Variants in PDE8B observed in about 807,000 individuals in gnomAD.
PDE8B encodes the protein phosphodiesterase 8B, also known as high affinity cAMP-specific and IBMX-insensitive 3',5'-cyclic phosphodiesterase 8B.
PDE8B carries 26 observed loss-of-function variants against 101.3 expected under a neutral mutation model. The ratio of observed to expected loss-of-function variants is 0.26; its 90% CI spans 0.19 to 0.36. PDE8B has a LOEUF of 0.36. Ranked by LOEUF, PDE8B falls within the 10% of genes least tolerant of loss-of-function variation. The pLI is 1.00. For synonymous variants in PDE8B, 424 were observed against 429.3 expected, an observed-to-expected ratio of 0.99 and a Z score of 0.15; for missense variants, 810 against 1,163.1, an observed-to-expected ratio of 0.70 and a Z score of 4.42.
chr5:77,185,078 G>T, the PDE8B span, among the ~76,000 whole-genome samples: 1 of 152,164 alleles, frequency 6.6e-6, no homozygotes, highest in African/African-American at 2.4e-5. Flanking sequence ...CCTTGGCTCA[G>T]AAATGAAGCA....
intron 1 of PDE8B, among the ~76,000 whole-genome samples, chr5:77,310,388 C>T (rs1404613055): frequency 6.6e-6 from 1 of 152,258 alleles, no homozygotes; most frequent in Non-Finnish European, 1.5e-5. Context: ...GGTTCTGGTG[C>T]TGGTCCTCTC....
At chr5:77,326,119 A>C (rs1776010431) in intron 3 of PDE8B, among the ~76,000 whole-genome samples, 1 of 152,218 alleles carries the variant, frequency 6.6e-6, no homozygotes, top group African/African-American at 2.4e-5. Flanking sequence ...AAATGTGTGA[A>C]ATATAAATTT....
intron 1 of PDE8B, among the ~76,000 whole-genome samples, chr5:77,299,493 G>A (rs1406761404): frequency 7.3e-6 from 1 of 137,670 alleles, no homozygotes. Context: ...TTGTTGTTCA[G>A]TTCCCACCTA....
At chr5:77,227,350 G>C (rs1011902400) in intron 1 of PDE8B, among the ~76,000 whole-genome samples, 1 of 152,074 alleles carries the variant, frequency 6.6e-6, no homozygotes, top group Admixed American at 6.6e-5. Context: ...AATGCTCAAG[G>C]AGTTTTCTTG....
chr5:77,222,119 C>G (rs1022916848), intron 1 of PDE8B, among the ~76,000 whole-genome samples: 1 of 152,170 alleles, frequency 6.6e-6, no homozygotes, highest in Non-Finnish European at 1.5e-5. Context: ...CTCACTGACT[C>G]CAGCTTGAAT....
chr5:77,255,332 G>C (rs898760572), intron 1 of PDE8B, among the ~76,000 whole-genome samples: 2 of 152,168 alleles, frequency 1.3e-5, no homozygotes, highest in Non-Finnish European at 2.9e-5. Flanking sequence ...CTATGCTACA[G>C]GCAGGGCTGG....
intron 2 of PDE8B, 50 bp downstream of exon 2, chr5:77,312,103 TTC>T: frequency 3.4e-5 from 44 of 1,281,624 alleles, no homozygotes; most frequent in East Asian, 4.9e-5. Flanking sequence ...TCTTTTTTTT[TTC>T]TTTTTTTTTT....
intron 10 of PDE8B, among the ~76,000 whole-genome samples, chr5:77,357,692 C>T (rs1782353345): frequency 6.6e-6 from 1 of 152,216 alleles, no homozygotes; most frequent in Non-Finnish European, 1.5e-5. Context: ...TGCTCACAGC[C>T]CCCTGAACCC....
chr5:77,323,304 G>T (rs2150215624), intron 2 of PDE8B, among the ~76,000 whole-genome samples: 1 of 152,336 alleles, frequency 6.6e-6, no homozygotes, highest in South Asian at 2.1e-4. Context: ...GGCTGGAAAT[G>T]TTAGGAGCTT....
intron 1 of PDE8B, among the ~76,000 whole-genome samples, chr5:77,214,834 C>A (rs1212331227): frequency 6.6e-6 from 1 of 152,056 alleles, no homozygotes; most frequent in Non-Finnish European, 1.5e-5. Flanking sequence ...TTGGGTGGGG[C>A]CTGAGAATTT....
the PDE8B span, among the ~76,000 whole-genome samples, chr5:77,132,196 T>A: frequency 6.6e-6 from 1 of 152,170 alleles, no homozygotes; most frequent in African/African-American, 2.4e-5. Context: ...AACAGTCCAA[T>A]ATTGATAAAA....
chr5:77,422,114 A>C, intron 20 of PDE8B, 126 bp downstream of exon 20: 1 of 1,056,900 alleles, frequency 9.5e-7, no homozygotes, highest in Non-Finnish European at 1.4e-6. Flanking sequence ...CCCTGGAAGA[A>C]AGCAGCTTAC....
intron 10 of PDE8B, among the ~76,000 whole-genome samples, chr5:77,360,783 G>A (rs1782958642): frequency 6.6e-6 from 1 of 152,046 alleles, no homozygotes; most frequent in Admixed American, 6.6e-5. Flanking sequence ...AGTTCCAAAG[G>A]TGATGTCTTT....
chr5:77,278,378 T>G (rs1288782397), intron 1 of PDE8B, among the ~76,000 whole-genome samples: 5 of 152,216 alleles, frequency 3.3e-5, no homozygotes, highest in Admixed American at 6.5e-5. Flanking sequence ...ACTACTGTGT[T>G]CTCATGAGAT....
At chr5:77,317,886 G>C (rs957266027) in intron 2 of PDE8B, among the ~76,000 whole-genome samples, 9 of 151,516 alleles carry the variant, frequency 5.9e-5, no homozygotes, top group African/African-American at 2.2e-4. Flanking sequence ...GTGAAACCCC[G>C]TCTTTACTAA....
At chr5:77,148,017 T>C in the PDE8B span, 1 of 152,212 alleles carries the variant, frequency 6.6e-6, no homozygotes, top group African/African-American at 2.4e-5. Context: ...GCCCAGATGC[T>C]GCTTCATACC....
intron 11 of PDE8B, 83 bp downstream of exon 11, chr5:77,400,373 G>T: frequency 1.1e-6 from 1 of 908,126 alleles, no homozygotes; most frequent in Non-Finnish European, 1.9e-6. Context: ...AGAAGTCTAA[G>T]TTGACATCTA....
chr5:77,230,247 T>C (rs1753292867), intron 1 of PDE8B, among the ~76,000 whole-genome samples: 1 of 152,198 alleles, frequency 6.6e-6, no homozygotes, highest in African/African-American at 2.4e-5. Context: ...TGAACTTGGG[T>C]TTCAGTTCTC....
intron 1 of PDE8B, among the ~76,000 whole-genome samples, chr5:77,302,560 C>T (rs532738186): frequency 6.6e-6 from 1 of 152,300 alleles, no homozygotes; most frequent in African/African-American, 2.4e-5. Context: ...TCCCTACCTG[C>T]TTCCTCTTTC....
Sources: gnomAD v4.1 joint callset for allele counts (sites outside exome capture counted in the v4.1 genomes callset) on GRCh38, gnomAD v4.1.1 for gene constraint, MANE v1.5 for transcripts, NCBI Gene and HGNC (gene_info 2026-07-23, HGNC 2026-07-21) for gene names.